MALRD1: variants seen among roughly 807,000 people sequenced by gnomAD.
MALRD1 encodes the protein MAM and LDL-receptor class A domain-containing protein 1.
A neutral mutation model predicts 242.1 loss-of-function variants in MALRD1; 247 were observed. The observed-to-expected ratio is 1.02, with a 90% CI of 0.92 to 1.13. The LOEUF (loss-of-function observed/expected upper bound fraction) is 1.13. Ranked by LOEUF, MALRD1 falls within the 50% of genes most tolerant of loss-of-function variation. MALRD1 has a pLI of 0.00. For missense variants in MALRD1, 2,989 were observed against 2,533.1 expected (o/e 1.18, Z -3.86); for synonymous variants, 995 against 866.6 (o/e 1.15, Z -2.60).
At chr10:19,121,261 G>A (rs1287800732) in intron 5 of MALRD1, among the ~76,000 whole-genome samples, 7 of 151,580 alleles carry the variant, frequency 4.6e-5, no homozygotes, top group African/African-American at 9.7e-5. Context: ...GGCTGGTCTC[G>A]AACTCCTGAA....
chr10:19,166,123 G>T (rs1384467144), intron 13 of MALRD1, among the ~76,000 whole-genome samples: 1 of 152,194 alleles, frequency 6.6e-6, no homozygotes, highest in Non-Finnish European at 1.5e-5. Flanking sequence ...ATGGAGATAA[G>T]AAATGAATAA....
At chr10:19,722,590 T>TAAGAAAAAAAAAAAAA (rs1834814332) in intron 38 of MALRD1, 1 of 45,366 alleles carries the variant, frequency 2.2e-5, no homozygotes, top group Non-Finnish European at 3.6e-5. Flanking sequence ...ACCATGTCTC[T>TAAGAAAAAAAAAAAAA]AAAAAAAAAA....
At chr10:19,503,666 A>G (rs1198007916) in intron 31 of MALRD1, among the ~76,000 whole-genome samples, 2 of 152,172 alleles carry the variant, frequency 1.3e-5, no homozygotes, top group Admixed American at 6.5e-5. Context: ...AAATGATATA[A>G]TCGGCCATCT....
At chr10:19,170,038 A>T (rs1288819763) in intron 13 of MALRD1, among the ~76,000 whole-genome samples, 1 of 152,232 alleles carries the variant, frequency 6.6e-6, no homozygotes, top group Non-Finnish European at 1.5e-5. Flanking sequence ...CAGAATACAA[A>T]TTGCTTTGGG....
chr10:19,120,856 G>C (rs557051958), intron 5 of MALRD1, among the ~76,000 whole-genome samples: 32 of 152,154 alleles, frequency 2.1e-4, no homozygotes, highest in African/African-American at 7.0e-4. Flanking sequence ...TGATTCTCCT[G>C]TCTCAGCCTC....
chr10:19,640,279 G>A (rs1181562324), intron 36 of MALRD1, among the ~76,000 whole-genome samples: 1 of 151,958 alleles, frequency 6.6e-6, no homozygotes, highest in Non-Finnish European at 1.5e-5. Context: ...GGTAGAGGTG[G>A]GGTTTCACCA....
Position 19,205,062 on chromosome 10 carries a change from T to C in MALRD1, c.2375T>C (p.Leu792Pro). The C allele has an allele frequency of 6.4e-7, 1 of 1,550,782 alleles. No homozygotes were observed. Among genetic ancestry groups the C allele is most frequent in the East Asian group, 2.4e-5 (1 of 40,912 alleles). Residue 792 changes from leucine (L) to proline (P), a missense_variant, in exon 17 of 40, where the codon CTA (leucine) becomes CCA (proline). By Grantham distance (98) the Leu-to-Pro change is moderately conservative (BLOSUM62 -3). Transcript: ENST00000454679. ...GRLSQPFHLS[L>P]DKVSLGIYDG... The stretch of plus-strand genomic sequence containing the variant: ...CTTTCGCAGCCCTTCCATTTGTCAC[T>C]AGATAAAGTCAGTCTGGGCATTTAT...
At chr10:19,107,359 A>G (rs898434500) in intron 5 of MALRD1, among the ~76,000 whole-genome samples, 16 of 151,990 alleles carry the variant, frequency 1.1e-4, no homozygotes, top group Non-Finnish European at 2.2e-4. Context: ...TTCTAAATGG[A>G]TCCCTTTATC....
At chr10:19,656,228 G>C (rs1012688097) in intron 36 of MALRD1, among the ~76,000 whole-genome samples, 1 of 151,984 alleles carries the variant, frequency 6.6e-6, no homozygotes, top group African/African-American at 2.4e-5. Context: ...TACTACTTGA[G>C]GTGTTTAGAG....
At chr10:19,362,627 A>T (rs540171548) in intron 26 of MALRD1, among the ~76,000 whole-genome samples, 2 of 152,222 alleles carry the variant, frequency 1.3e-5, no homozygotes, top group Admixed American at 6.6e-5. Context: ...AGGTAGTGGG[A>T]TAGGAGGTCA....
rs1839573230 is a variant in MALRD1 at position 19,257,612 on chromosome 10, C to T, written c.2992-72C>T. The T allele has an allele frequency of 3.3e-5, 38 of 1,143,394 alleles. No individual in the cohort carries two copies. In the South Asian group the frequency reaches 5.8e-4, roughly 17 times the overall value. 70.8% of individuals were successfully genotyped at this position (1,143,394 alleles called of 1,614,324 possible). ...GGGTACATTTTAAATTCCTCTTCAT[C>T]CATTCCATAACTTAATTTCCTTTAC... On this transcript the variant is annotated intron_variant, in intron 18 of 39. Coordinates refer to ENST00000454679, the MANE Select transcript of MALRD1 (RefSeq NM_001142308.3).
intron 36 of MALRD1, among the ~76,000 whole-genome samples, chr10:19,624,878 G>GAAAAAAAAAAAAAAAAAAAAAAAAAAA (rs145042762): frequency 8.3e-6 from 1 of 119,948 alleles, no homozygotes; most frequent in Non-Finnish European, 1.7e-5. Context: ...CTCAAAAAAG[G>GAAAAAAAAAAAAAAAAAAAAAAAAAAA]AAAAAAAAAA....
intron 18 of MALRD1, among the ~76,000 whole-genome samples, chr10:19,239,264 T>C (rs886293493): frequency 6.6e-6 from 1 of 152,112 alleles, no homozygotes; most frequent in African/African-American, 2.4e-5. Flanking sequence ...TTCACCATAT[T>C]GGTCAGGCTG....
At chr10:19,237,877 A>C (rs1304459658) in intron 18 of MALRD1, among the ~76,000 whole-genome samples, 1 of 100,248 alleles carries the variant, frequency 1.0e-5, no homozygotes, top group African/African-American at 3.5e-5. Context: ...ATAGAATTTT[A>C]TATAGTTATA....
chr10:19,412,587 G>A (rs1769200418), intron 28 of MALRD1, among the ~76,000 whole-genome samples: 1 of 152,192 alleles, frequency 6.6e-6, no homozygotes, highest in Non-Finnish European at 1.5e-5. Context: ...TAAAACAAAT[G>A]TAGGACCCTG....
At chr10:19,243,585 CAT>C (rs1207081203) in intron 18 of MALRD1, among the ~76,000 whole-genome samples, 2 of 151,956 alleles carry the variant, frequency 1.3e-5, no homozygotes, top group South Asian at 2.1e-4. Context: ...TGTTGTTACA[CAT>C]AGTTACCAAC....
chr10:19,113,818 C>CAG (rs1836772129), intron 5 of MALRD1, among the ~76,000 whole-genome samples: 1 of 147,394 alleles, frequency 6.8e-6, no homozygotes, highest in African/African-American at 2.5e-5. Flanking sequence ...CACACACACA[C>CAG]ACACACACAC....
intron 29 of MALRD1, among the ~76,000 whole-genome samples, chr10:19,466,305 A>C (rs528511508): frequency 4.7e-4 from 71 of 152,140 alleles, no homozygotes; most frequent in African/African-American, 1.6e-3. Flanking sequence ...ATTTTGATGA[A>C]AATTTTTTTT....
chr10:19,315,597 A>AAAT lies in MALRD1; in HGVS notation c.3420-8352_3420-8351insAAT, dbSNP rs1473838484. ...TATAAATTATAAATTATAAATATTT[A>AAAT]TATAAATTATAAATATTTATATAAA... On this transcript the variant is annotated intron_variant, in intron 21 of 39. Coordinates refer to ENST00000454679, the MANE Select transcript of MALRD1 (RefSeq NM_001142308.3). Among the ~76,000 whole-genome samples, 34 of 79,020 alleles carry AAAT rather than the reference A, an allele frequency of 4.3e-4. 2 individuals carry two copies. The highest frequency in any genetic ancestry group is 1.5e-3 in the South Asian group (4 of 2,636). 51.8% of individuals were successfully genotyped at this position (79,020 alleles called of 152,430 possible). A position where few individuals can be genotyped will look rare whatever the true frequency, so the allele number is the denominator to read the frequency against.
Sources: allele counts gnomAD v4.1 joint callset (sites outside exome capture counted in the v4.1 genomes callset), GRCh38; gene constraint gnomAD v4.1.1; transcripts MANE v1.5; gene names NCBI Gene and HGNC (gene_info 2026-07-23, HGNC 2026-07-21).